The following NEK11 variants were observed in gnomAD, a reference collection of about 807,000 sequenced individuals.
NEK11 encodes serine/threonine-protein kinase Nek11.
NEK11 carries 72 observed loss-of-function variants against 80.7 expected under a neutral mutation model. The observed-to-expected ratio is 0.89, with a 90% CI of 0.74 to 1.08. The LOEUF (loss-of-function observed/expected upper bound fraction) is 1.08, where lower values mean the gene tolerates loss of function less well. Ranked by LOEUF, NEK11 falls within the 50% of genes least tolerant of loss-of-function variation. NEK11 has a pLI of 0.00. For synonymous variants in NEK11, 251 were observed against 260.7 expected, an observed-to-expected ratio of 0.96 and a Z score of 0.36; for missense variants, 764 against 763.6, an observed-to-expected ratio of 1.00 and a Z score of -0.01.
chr3:131,213,419 T>C (rs2150555625), intron 14 of NEK11, among the ~76,000 whole-genome samples: 1 of 152,278 alleles, frequency 6.6e-6, no homozygotes, highest in South Asian at 2.1e-4. Flanking sequence ...GAAGAGAAAC[T>C]CTCATTTGGC....
rs145550595 is a variant in NEK11, at chr3:131,282,100, C to CT, written c.1718+8534dup. ...CTTGCAAAGATTAATAAAAGCGATACTTTTTTTTCTCATTTAGCTATTTAG... is the reference window on the plus strand; with the variant it reads ...CTTGCAAAGATTAATAAAAGCGATACTTTTTTTTTCTCATTTAGCTATTTAG... On this transcript the variant is annotated intron_variant, in intron 17 of 17. Coordinates refer to ENST00000383366, the MANE Select transcript of NEK11 (RefSeq NM_024800.5). Among the ~76,000 whole-genome samples the CT allele has an allele frequency of 1.6e-3, 249 of 152,032 alleles. 4 individuals are homozygous for CT. The South Asian group carries it at 0.028, about 17-fold the overall frequency.
At chr3:131,047,583 G>A (rs1320582275) in intron 3 of NEK11, among the ~76,000 whole-genome samples, 1 of 152,190 alleles carries the variant, frequency 6.6e-6, no homozygotes, top group African/African-American at 2.4e-5. Flanking sequence ...ACTGGGCTCT[G>A]GACTGCTAGT....
chr3:131,310,305 A>G (rs940193484), intron 17 of NEK11, among the ~76,000 whole-genome samples: 10 of 152,182 alleles, frequency 6.6e-5, no homozygotes, highest in African/African-American at 2.4e-4. Context: ...TAGGCTTAAG[A>G]AAAATGGGTT....
chr3:131,175,328 CAAAAT>C (rs1358685270), intron 14 of NEK11, among the ~76,000 whole-genome samples: 1 of 151,800 alleles, frequency 6.6e-6, no homozygotes, highest in Non-Finnish European at 1.5e-5. Context: ...CATAAGTACT[CAAAAT>C]AAAAAACAAG....
chr3:131,098,440 A>G (rs2077811620), intron 4 of NEK11, among the ~76,000 whole-genome samples: 1 of 152,182 alleles, frequency 6.6e-6, no homozygotes, highest in Non-Finnish European at 1.5e-5. Context: ...GGCCATTCTG[A>G]CTGGTATGAG....
At chr3:131,163,649 G>A (rs1448399108) in intron 11 of NEK11, among the ~76,000 whole-genome samples, 1 of 152,130 alleles carries the variant, frequency 6.6e-6, no homozygotes, top group Admixed American at 6.6e-5. Context: ...ATAAGTTCTG[G>A]AGATCTATTG....
chr3:131,124,501 A>AC (rs2082947513), intron 5 of NEK11, among the ~76,000 whole-genome samples: 1 of 149,848 alleles, frequency 6.7e-6, no homozygotes, highest in African/African-American at 2.5e-5. Flanking sequence ...CACCCCCTAC[A>AC]CCCCCCACTT....
At position 131,061,221 on chromosome 3, in the gene NEK11, G is replaced by T. The variant is rs193261261; in HGVS notation, c.171-19202G>T. Among the ~76,000 whole-genome samples, 17 of 152,310 alleles carry T rather than the reference G, an allele frequency of 1.1e-4. No homozygotes were observed. In the East Asian group the frequency reaches 3.3e-3, roughly 29 times the overall value. On this transcript the variant is annotated intron_variant, in intron 3 of 17. Coordinates refer to ENST00000383366, the MANE Select transcript of NEK11 (RefSeq NM_024800.5). ...TTTTTTAAACATCTGAAGAGCTTCA[G>T]TATATTCAGAGGTAAACATGATCTA...
chr3:131,301,588 A>G (rs904080852), intron 17 of NEK11, among the ~76,000 whole-genome samples: 1 of 151,962 alleles, frequency 6.6e-6, no homozygotes, highest in African/African-American at 2.4e-5. Flanking sequence ...TAACATGAAC[A>G]TATGTTGAAT....
At chr3:131,242,822 G>T (rs1459882797) in intron 15 of NEK11, among the ~76,000 whole-genome samples, 2 of 152,098 alleles carry the variant, frequency 1.3e-5, no homozygotes, top group African/African-American at 4.8e-5. Flanking sequence ...CTGCTTGGTG[G>T]AGGACAAATT....
At chr3:131,221,353 A>C (rs1561047885) in intron 14 of NEK11, among the ~76,000 whole-genome samples, 1 of 152,256 alleles carries the variant, frequency 6.6e-6, no homozygotes, top group East Asian at 1.9e-4. Context: ...AGAGCTTGTC[A>C]AACCACACAT....
intron 11 of NEK11, among the ~76,000 whole-genome samples, chr3:131,163,127 A>C (rs1486559363): frequency 6.6e-6 from 1 of 152,250 alleles, no homozygotes; most frequent in East Asian, 1.9e-4. Context: ...ACCCTTGTGC[A>C]GTAGTGGTGA....
intron 17 of NEK11, 64 bp downstream of exon 17, chr3:131,273,638 G>T: frequency 1.6e-6 from 2 of 1,230,496 alleles, no homozygotes; most frequent in Admixed American, 1.7e-5. Flanking sequence ...CCAAGTGTGT[G>T]ACCCAGTCAT....
intron 11 of NEK11, among the ~76,000 whole-genome samples, chr3:131,163,179 G>T (rs183514458): frequency 3.9e-5 from 6 of 152,112 alleles, no homozygotes; most frequent in Non-Finnish European, 8.8e-5. Flanking sequence ...ATAGCATGAA[G>T]ATTCCTCTAA....
At chr3:131,275,472 T>G (rs2096277402) in intron 17 of NEK11, among the ~76,000 whole-genome samples, 1 of 151,948 alleles carries the variant, frequency 6.6e-6, no homozygotes, top group Admixed American at 6.6e-5. Flanking sequence ...TAGTGTGTTG[T>G]TTTTTTTCTC....
Position 131,349,979 on chromosome 3 carries a change from C to G in NEK11, c.*203C>G. On this transcript the variant is annotated 3_prime_UTR_variant, in exon 18 of 18. Transcript: ENST00000383366. Reference sequence around the variant, plus strand: ...CTTGGAGTCATAAGTGTTATTTGGACTATACCCTGAGATAAGCTTATAGAT... The same window carrying G: ...CTTGGAGTCATAAGTGTTATTTGGAGTATACCCTGAGATAAGCTTATAGAT... 1.8e-6 allele frequency: 1 copy of G among 568,814 alleles called. No individual in the cohort carries two copies. Among genetic ancestry groups the G allele is most frequent in the Non-Finnish European group, 3.1e-6 (1 of 320,586 alleles). The allele number at this position is 568,814 out of a possible 1,614,324, so 35.2% of individuals were successfully genotyped here.
At chr3:131,136,343 G>A (rs922955716) in intron 7 of NEK11, among the ~76,000 whole-genome samples, 3 of 152,124 alleles carry the variant, frequency 2.0e-5, no homozygotes, top group Non-Finnish European at 2.9e-5. Context: ...AGATACATAC[G>A]TGTGATGAGT....
intron 14 of NEK11, among the ~76,000 whole-genome samples, chr3:131,222,263 C>T (rs2095049946): frequency 6.6e-6 from 1 of 152,142 alleles, no homozygotes; most frequent in Admixed American, 6.5e-5. Context: ...TTGTCTGAAC[C>T]TTACTTTTCC....
At chr3:131,285,092 C>G (rs143415692) in intron 17 of NEK11, among the ~76,000 whole-genome samples, 3 of 152,196 alleles carry the variant, frequency 2.0e-5, no homozygotes, top group Non-Finnish European at 4.4e-5. Flanking sequence ...TGAAAGCTAG[C>G]AATAAAAGCC....
Sources: gnomAD v4.1 joint callset for allele counts (sites outside exome capture counted in the v4.1 genomes callset) on GRCh38, gnomAD v4.1.1 for gene constraint, MANE v1.5 for transcripts, NCBI Gene and HGNC (gene_info 2026-07-23, HGNC 2026-07-21) for gene names.